Variants in ERBB4 observed in about 807,000 individuals in gnomAD.
ERBB4 encodes the protein receptor tyrosine-protein kinase erbB-4.
In ERBB4, 42 loss-of-function variants were observed where a neutral mutation model predicts 158.0. The observed-to-expected ratio is 0.27, with a 90% confidence interval of 0.21 to 0.34. The LOEUF is 0.34. ERBB4 is among the 10% of genes least tolerant of loss of function. The pLI, the probability that ERBB4 is intolerant of heterozygous loss-of-function variation, is 1.00. For synonymous variants in ERBB4, 583 were observed against 558.7 expected (o/e 1.04, Z -0.61); for missense variants, 1,333 against 1,624.1 (o/e 0.82, Z 3.08).
At chr2:212,469,446 G>T (rs960364955) in intron 1 of ERBB4, among the ~76,000 whole-genome samples, 5 of 152,080 alleles carry the variant, frequency 3.3e-5, no homozygotes, top group Non-Finnish European at 7.4e-5. Context: ...TCCTGATAAT[G>T]ATGCATCTGC....
intron 3 of ERBB4, among the ~76,000 whole-genome samples, chr2:211,935,354 T>A (rs1575401659): frequency 6.6e-6 from 1 of 152,108 alleles, no homozygotes; most frequent in East Asian, 1.9e-4. Context: ...GTTAAGTAGG[T>A]AAGATATGCT....
chr2:212,051,838 T>C (rs572542981), intron 2 of ERBB4, among the ~76,000 whole-genome samples: 1 of 152,324 alleles, frequency 6.6e-6, no homozygotes, highest in African/African-American at 2.4e-5. Context: ...ATTATCATTA[T>C]TACAATATCA....
chr2:211,440,365 T>C (rs556352204), intron 20 of ERBB4, among the ~76,000 whole-genome samples: 6 of 151,620 alleles, frequency 4.0e-5, no homozygotes, highest in Non-Finnish European at 8.8e-5. Flanking sequence ...TCTGTGTCTC[T>C]TTAGAAATTA....
At chr2:212,461,840 C>T (rs369504592) in intron 1 of ERBB4, among the ~76,000 whole-genome samples, 2 of 152,036 alleles carry the variant, frequency 1.3e-5, no homozygotes, top group African/African-American at 2.4e-5. Flanking sequence ...TTCTCATGAT[C>T]GTGAATAAGT....
At chr2:212,263,596 G>A (rs1032706790) in intron 1 of ERBB4, among the ~76,000 whole-genome samples, 2 of 151,844 alleles carry the variant, frequency 1.3e-5, no homozygotes, top group South Asian at 2.1e-4. Flanking sequence ...TTCATTTCTG[G>A]AAAAAATTAA....
chr2:212,200,162 C>A (rs2082550484), intron 1 of ERBB4, among the ~76,000 whole-genome samples: 2 of 152,002 alleles, frequency 1.3e-5, no homozygotes, highest in African/African-American at 2.4e-5. Context: ...TTCTTCCAGA[C>A]AACATAAAAT....
At chr2:212,105,511 C>T (rs758494064) in intron 2 of ERBB4, among the ~76,000 whole-genome samples, 8 of 152,092 alleles carry the variant, frequency 5.3e-5, no homozygotes, top group African/African-American at 1.9e-4. Context: ...TTTTTCTTTG[C>T]ATTAATATTT....
intron 20 of ERBB4, among the ~76,000 whole-genome samples, chr2:211,555,756 T>C (rs2067220544): frequency 6.6e-6 from 1 of 152,130 alleles, no homozygotes; most frequent in Non-Finnish European, 1.5e-5. Flanking sequence ...TAAGATCTTT[T>C]TCAGACAAGC....
At chr2:211,940,639 T>C (rs1472649687) in intron 3 of ERBB4, among the ~76,000 whole-genome samples, 1 of 151,740 alleles carries the variant, frequency 6.6e-6, no homozygotes, top group African/African-American at 2.4e-5. Flanking sequence ...TCTTTAAGAT[T>C]CCTGAAGGGG....
intron 18 of ERBB4, among the ~76,000 whole-genome samples, chr2:211,620,222 C>T (rs576296664): frequency 5.9e-5 from 9 of 151,990 alleles, no homozygotes; most frequent in South Asian, 2.1e-4. Context: ...GGACAAAAAC[C>T]GAAAAATCTC....
At chr2:211,771,816 C>T (rs10432443) in intron 4 of ERBB4, among the ~76,000 whole-genome samples, 20,092 of 152,012 alleles carry the variant, frequency 0.13, 1,529 homozygotes, top group East Asian at 0.31. Context: ...TCTCTTGGTG[C>T]TCTTATAGAG....
intron 1 of ERBB4, among the ~76,000 whole-genome samples, chr2:212,531,245 C>T (rs1471104572): frequency 6.6e-6 from 1 of 152,134 alleles, no homozygotes; most frequent in African/African-American, 2.4e-5. Flanking sequence ...CATGAGAACA[C>T]TTATCATGCC....
chr2:211,475,210 G>C (rs2064924737), intron 20 of ERBB4, among the ~76,000 whole-genome samples: 1 of 152,066 alleles, frequency 6.6e-6, no homozygotes, highest in Non-Finnish European at 1.5e-5. Flanking sequence ...AGTTAATTTA[G>C]AGGAAAAGGG....
At chr2:212,166,472 G>A (rs1019999950) in intron 1 of ERBB4, among the ~76,000 whole-genome samples, 7 of 151,708 alleles carry the variant, frequency 4.6e-5, no homozygotes, top group African/African-American at 1.7e-4. Context: ...CTATCCTCAT[G>A]GATAGGAAGA....
chr2:211,918,703 G>GAT (rs922684100), intron 3 of ERBB4, among the ~76,000 whole-genome samples: 1 of 152,098 alleles, frequency 6.6e-6, no homozygotes, highest in Non-Finnish European at 1.5e-5. Context: ...ATGTGAAATA[G>GAT]ATATGTCTGT....
chr2:211,706,992 G>A (rs1223759252), intron 9 of ERBB4, among the ~76,000 whole-genome samples: 2 of 152,134 alleles, frequency 1.3e-5, no homozygotes, highest in Non-Finnish European at 2.9e-5. Flanking sequence ...GTATACAGAG[G>A]AAATATCAGC....
chr2:211,958,512 A>T lies in ERBB4; in HGVS notation c.235-10896T>A, dbSNP rs944535909. Among the ~76,000 whole-genome samples, 7 of 152,218 alleles carry T rather than the reference A, an allele frequency of 4.6e-5. 1 individual carries two copies. The highest frequency in any genetic ancestry group is 3.4e-3 in the Middle Eastern group (1 of 294). On this transcript the variant is annotated intron_variant, in intron 2 of 27. Transcript: ENST00000342788. ...GGCATTCTTATGTCTTCTGTCACCTACTGGTGAAATCACTCTGACTATTAC... is the reference window on the plus strand; with the variant it reads ...GGCATTCTTATGTCTTCTGTCACCTTCTGGTGAAATCACTCTGACTATTAC...
Position 211,381,170 on chromosome 2 carries a change from A to G in ERBB4, c.*2445T>C, listed in dbSNP as rs2062568401. 4.3e-6 allele frequency: 1 copy of G among 232,354 alleles called. No homozygotes were observed. Among genetic ancestry groups the G allele is most frequent in the South Asian group, 1.8e-4 (1 of 5,526 alleles). 14.4% of individuals were successfully genotyped at this position (232,354 alleles called of 1,614,324 possible). A position where few individuals can be genotyped will look rare whatever the true frequency, so the allele number is the denominator to read the frequency against. On this transcript the variant is annotated 3_prime_UTR_variant, in exon 28 of 28. Transcript: ENST00000342788. Reference sequence around the variant, plus strand: ...GAAAAGTTTGAGGGTGAACTTCACTAGAAGGAATCTCACAAACCCTTCTCC... The same window carrying G: ...GAAAAGTTTGAGGGTGAACTTCACTGGAAGGAATCTCACAAACCCTTCTCC...
intron 3 of ERBB4, among the ~76,000 whole-genome samples, chr2:211,851,928 T>G (rs893009097): frequency 8.6e-5 from 13 of 151,960 alleles, no homozygotes; most frequent in African/African-American, 2.7e-4. Context: ...GTGCTTTTAT[T>G]AAGCCCAATA....
Sources: allele counts gnomAD v4.1 joint callset (sites outside exome capture counted in the v4.1 genomes callset), GRCh38; gene constraint gnomAD v4.1.1; transcripts MANE v1.5; gene names NCBI Gene and HGNC (gene_info 2026-07-23, HGNC 2026-07-21).